EIF3B: variants seen among roughly 807,000 people sequenced by gnomAD.
The protein encoded by EIF3B is eukaryotic translation initiation factor 3 subunit B.
In EIF3B, 10 loss-of-function variants were observed where a neutral mutation model predicts 104.6. The ratio of observed to expected loss-of-function variants is 0.10; its 90% CI spans 0.06 to 0.16. The LOEUF (loss-of-function observed/expected upper bound fraction) is 0.16, where lower values mean the gene tolerates loss of function less well. Ranked by LOEUF, EIF3B falls within the 10% of genes least tolerant of loss-of-function variation. The pLI, the probability that EIF3B is intolerant of heterozygous loss-of-function variation, is 1.00. For synonymous variants in EIF3B, 542 were observed against 417.2 expected (o/e 1.30, Z -3.65); for missense variants, 1,014 against 1,087.9 (o/e 0.93, Z 0.96).
chr7:2,375,423 G>A lies in EIF3B; in HGVS notation c.1924G>A (p.Asp642Asn). Residue 642 changes from aspartate (D) to asparagine (N), a missense_variant, in exon 14 of 19, where the codon GAC (aspartate) becomes AAC (asparagine). Physicochemically the swap from Asp to Asn is conservative, Grantham distance 23. This residue lies in a region of EIF3B where 266 missense variants were observed against 324.0 expected (regional missense o/e 0.82). Coordinates refer to ENST00000360876, the MANE Select transcript of EIF3B (RefSeq NM_001037283.2). ...NGALAFVDTSDCTVMNIAEHY... is the reference protein window; with the variant it reads ...NGALAFVDTSNCTVMNIAEHY... ...TGCCTTAGCGTTTGTGGACACTTCG[G>A]ACTGCACGGTCATGAACATCGCAGA... The A allele has an allele frequency of 6.2e-7, 1 of 1,614,210 alleles. No homozygotes were observed. Among genetic ancestry groups the A allele is most frequent in the East Asian group, 2.2e-5 (1 of 44,878 alleles).
At chr7:2,372,584 C>A in intron 11 of EIF3B, 89 bp from the exon 12 acceptor site, 1 of 1,482,296 alleles carries the variant, frequency 6.7e-7, no homozygotes, top group South Asian at 1.3e-5. Context: ...GGATATTTCT[C>A]TGTGGTTGAA....
chr7:2,357,923 G>T (rs1779539843), intron 1 of EIF3B, among the ~76,000 whole-genome samples: 1 of 152,136 alleles, frequency 6.6e-6, no homozygotes, highest in Non-Finnish European at 1.5e-5. Flanking sequence ...CTATTTAATT[G>T]TATGGTAAGT....
intron 6 of EIF3B, 52 bp from the exon 7 acceptor site, chr7:2,366,265 G>C: frequency 1.3e-6 from 2 of 1,524,904 alleles, no homozygotes; most frequent in East Asian, 2.3e-5. Context: ...CAGACAGACT[G>C]TGATCCTCTC....
chr7:2,376,988 C>A lies in EIF3B; in HGVS notation c.2067C>A (p.Arg689=), dbSNP rs768926107. The A allele has an allele frequency of 1.2e-6, 2 of 1,613,954 alleles. No individual in the cohort carries two copies. The highest frequency in any genetic ancestry group is 1.7e-6 in the Non-Finnish European group (2 of 1,180,038). The change falls in exon 15 of 19, where the codon CGC becomes CGA. Residue 689 remains arginine, a synonymous_variant. Transcript: ENST00000360876. ...NAYWLWTFQG[R]LLQKNNKDRF... Reference sequence around the variant, plus strand: ...ACTGGCTGTGGACTTTCCAGGGACGCCTCCTGCAGAAGAACAACAAGGACC... The same window carrying A: ...ACTGGCTGTGGACTTTCCAGGGACGACTCCTGCAGAAGAACAACAAGGACC...
chr7:2,370,207 T>C (rs1360492238), intron 10 of EIF3B, among the ~76,000 whole-genome samples: 2 of 152,160 alleles, frequency 1.3e-5, no homozygotes, highest in African/African-American at 4.8e-5. Flanking sequence ...CTGGGTGTAG[T>C]GGCCCATGCC....
chr7:2,359,675 G>A (rs1779630820), intron 1 of EIF3B, among the ~76,000 whole-genome samples: 1 of 152,192 alleles, frequency 6.6e-6, no homozygotes, highest in Non-Finnish European at 1.5e-5. Context: ...GTAGCCTGTC[G>A]GTCAGAACCG....
In EIF3B at chr7:2,372,758, C is replaced by T. The variant is rs760320917; in HGVS notation, c.1773C>T (p.Phe591=). Residue 591 remains phenylalanine, a synonymous_variant, in exon 12 of 19, where the codon TTC becomes TTT. Transcript: ENST00000360876. Reference sequence around the variant, plus strand: ...AGGCTCCGCGGATATCTGTGTCTTTCTACCACGTCAAAAACAACGGGAAGA... The same window carrying T: ...AGGCTCCGCGGATATCTGTGTCTTTTTACCACGTCAAAAACAACGGGAAGA... The part of the protein sequence containing the change: ...HGEAPRISVS[F]YHVKNNGKIE... 2 of 1,614,068 alleles carry T rather than the reference C, an allele frequency of 1.2e-6. No homozygotes were observed. The highest frequency in any genetic ancestry group is 1.7e-6 in the Non-Finnish European group (2 of 1,180,040).
intron 1 of EIF3B, among the ~76,000 whole-genome samples, chr7:2,357,385 G>A (rs536439321): frequency 6.6e-6 from 1 of 152,276 alleles, no homozygotes; most frequent in African/African-American, 2.4e-5. Context: ...TTGTGGTAAC[G>A]CAGGTTTTGT....
chr7:2,366,170 TC>T, intron 6 of EIF3B, 146 bp from the exon 7 acceptor site: 1 of 753,532 alleles, frequency 1.3e-6, no homozygotes, highest in Non-Finnish European at 2.1e-6. Context: ...GCTTCCCGCT[TC>T]CGCTTGGGTC....
At chr7:2,370,308 C>T (rs1196178129) in intron 10 of EIF3B, among the ~76,000 whole-genome samples, 1 of 151,962 alleles carries the variant, frequency 6.6e-6, no homozygotes. Context: ...GAAACCCCAT[C>T]TCTACTAAAA....
In EIF3B at chr7:2,380,335, G is replaced by A. The variant is rs145996421; in HGVS notation, c.*146G>A. Reference sequence around the variant, plus strand: ...TCCTGCAGGAAGCCGCGTGACTCCCGCCTCCTCCCTGTGCTCTCTGGCTCT... The same window carrying A: ...TCCTGCAGGAAGCCGCGTGACTCCCACCTCCTCCCTGTGCTCTCTGGCTCT... On this transcript the variant is annotated 3_prime_UTR_variant, in exon 19 of 19. Coordinates refer to ENST00000360876, the MANE Select transcript of EIF3B (RefSeq NM_001037283.2). 37 of 518,414 alleles carry A rather than the reference G, an allele frequency of 7.1e-5. No individual in the cohort carries two copies. Among genetic ancestry groups the A allele is most frequent in the African/African-American group, 5.8e-4 (30 of 52,056 alleles). 32.1% of individuals were successfully genotyped at this position (518,414 alleles called of 1,614,324 possible).
rs536454954 is a variant in EIF3B at position 2,366,781 on chromosome 7, G to A, written c.1356+190G>A. The A allele has an allele frequency of 1.3e-3, 1,054 of 801,714 alleles. 1 individual carries two copies. Among genetic ancestry groups the A allele is most frequent in the Non-Finnish European group, 1.8e-3 (892 of 505,800 alleles). The allele number at this position is 801,714 out of a possible 1,614,324, so 49.7% of individuals were successfully genotyped here. Reference sequence around the variant, plus strand: ...CTTCAGTCACTCCTGCCCACCTGGCGCAGCCGTGGGAAGTCCTGGATGGGA... The same window carrying A: ...CTTCAGTCACTCCTGCCCACCTGGCACAGCCGTGGGAAGTCCTGGATGGGA... On this transcript the variant is annotated intron_variant, in intron 8 of 18. Transcript: ENST00000360876.
intron 5 of EIF3B, among the ~76,000 whole-genome samples, chr7:2,364,028 A>G (rs1035875253): frequency 5.3e-5 from 8 of 152,156 alleles, no homozygotes; most frequent in African/African-American, 1.9e-4. Flanking sequence ...TTGGGAGGCC[A>G]AGGTGGGTGG....
chr7:2,360,921 G>C lies in EIF3B; in HGVS notation c.692+19G>C, dbSNP rs1779691372. On this transcript the variant is annotated intron_variant, in intron 2 of 18. Coordinates refer to ENST00000360876, the MANE Select transcript of EIF3B (RefSeq NM_001037283.2). The stretch of plus-strand genomic sequence containing the variant: ...CAAAAGGGTGAGTGTTCTCCTGTTG[G>C]AGAAGTATCATCTGTGTCTGGCACG... 6.3e-7 allele frequency: 1 copy of C among 1,585,444 alleles called. No individual in the cohort carries two copies. Among genetic ancestry groups the C allele is most frequent in the Non-Finnish European group, 8.6e-7 (1 of 1,156,152 alleles).
chr7:2,359,462 C>T (rs10241658), intron 1 of EIF3B, among the ~76,000 whole-genome samples: 2,152 of 152,300 alleles, frequency 0.014, 57 homozygotes, highest in African/African-American at 0.049. Context: ...GGGCTCCATG[C>T]AGCGGAACAG....
At chr7:2,364,210 T>G in intron 5 of EIF3B, 162 bp from the exon 6 acceptor site, 1 of 630,360 alleles carries the variant, frequency 1.6e-6, no homozygotes, top group Admixed American at 3.1e-5. Flanking sequence ...TGCAGTGAGC[T>G]GAGATTGCGC....
intron 14 of EIF3B, chr7:2,376,645 G>T (rs1372810919): frequency 6.2e-6 from 2 of 324,644 alleles, no homozygotes; most frequent in Non-Finnish European, 1.1e-5. Flanking sequence ...ACGGGGTTCA[G>T]CGGCGCAGTA....
chr7:2,371,869 C>T lies in EIF3B; in HGVS notation c.1687+20C>T, dbSNP rs751268783. The T allele has an allele frequency of 1.9e-6, 3 of 1,602,010 alleles. No individual in the cohort carries two copies. In the South Asian group the frequency reaches 3.3e-5, roughly 18 times the overall value. On this transcript the variant is annotated intron_variant, in intron 11 of 18. Transcript: ENST00000360876. ...TGAAAGGCAAGTTGTATTTTAGTCA[C>T]TTTGAGGCGAATGGGGCCTACGTGC...
chr7:2,366,502 C>G lies in EIF3B; in HGVS notation c.1290-23C>G, dbSNP rs113667884. 33 of 1,614,074 alleles carry G rather than the reference C, an allele frequency of 2.0e-5. 1 individual carries two copies. The East Asian group carries it at 2.5e-4, about 12-fold the overall frequency. ...AGCCTTTGTCTTTTCATGGGAATAC[C>G]CTGGCACTTTTGTTTTTCTTAGGTG... On this transcript the variant is annotated intron_variant, in intron 7 of 18. Transcript: ENST00000360876.
Sources: gnomAD v4.1 joint callset for allele counts (sites outside exome capture counted in the v4.1 genomes callset) on GRCh38, gnomAD v4.1.1 for gene constraint, gnomAD v4.1.1 regional missense constraint, MANE v1.5 for transcripts, NCBI Gene and HGNC (gene_info 2026-07-23, HGNC 2026-07-21) for gene names.